DAG1: variants seen among roughly 807,000 people sequenced by gnomAD.
DAG1 encodes dystroglycan 1.
A neutral mutation model predicts 46.1 loss-of-function variants in DAG1; 8 were observed. The observed-to-expected ratio is 0.17, with a 90% CI of 0.10 to 0.31. DAG1 has a LOEUF of 0.31. Ranked by LOEUF, DAG1 falls within the 10% of genes least tolerant of loss-of-function variation. The pLI is 1.00. For synonymous variants in DAG1, 495 were observed against 481.8 expected (o/e 1.03, Z -0.36); for missense variants, 1,003 against 1,189.9 (o/e 0.84, Z 2.31).
intron 2 of DAG1, among the ~76,000 whole-genome samples, chr3:49,526,310 G>A (rs984770636): frequency 6.6e-6 from 1 of 152,168 alleles, no homozygotes; most frequent in African/African-American, 2.4e-5. Flanking sequence ...ATGAGATTTG[G>A]GCAGTGACAC....
chr3:49,501,749 G>C (rs1177167238), intron 1 of DAG1, among the ~76,000 whole-genome samples: 1 of 151,632 alleles, frequency 6.6e-6, no homozygotes, highest in East Asian at 1.9e-4. Context: ...GGGAGGCAGA[G>C]GTTGCAGTGA....
At chr3:49,472,527 G>A (rs184865084) in intron 1 of DAG1, among the ~76,000 whole-genome samples, 9 of 152,212 alleles carry the variant, frequency 5.9e-5, no homozygotes, top group South Asian at 2.1e-4. Context: ...AAACTTTATC[G>A]CCGGGCATGG....
chr3:49,502,858 C>T (rs62261207), intron 1 of DAG1, among the ~76,000 whole-genome samples: 3 of 151,948 alleles, frequency 2.0e-5, no homozygotes, highest in African/African-American at 4.8e-5. Context: ...AGGCTGGTCT[C>T]GAACTTCTGA....
At chr3:49,516,255 A>G (rs2050893316) in intron 2 of DAG1, among the ~76,000 whole-genome samples, 1 of 152,204 alleles carries the variant, frequency 6.6e-6, no homozygotes, top group Non-Finnish European at 1.5e-5. Flanking sequence ...CTTCCATCAC[A>G]TAGTAGGCCC....
chr3:49,490,313 A>T (rs573614000), intron 1 of DAG1, among the ~76,000 whole-genome samples: 87 of 151,632 alleles, frequency 5.7e-4, no homozygotes, highest in African/African-American at 2.0e-3. Flanking sequence ...AGATCGCGCC[A>T]CTGCCCTCTA....
intron 2 of DAG1, among the ~76,000 whole-genome samples, chr3:49,526,153 C>CA (rs1279369905): frequency 6.6e-6 from 1 of 152,174 alleles, no homozygotes; most frequent in African/African-American, 2.4e-5. Flanking sequence ...TCCCGGCCTA[C>CA]ACACTTTTAA....
In DAG1 at chr3:49,478,589, G is replaced by A. The variant is rs187686085; in HGVS notation, c.-117+8156G>A. Reference sequence around the variant, plus strand: ...GAGAGGGTTTTGCCATGTTGCCCACGCTGGCCTTGAACTGCTGAGCTTAAG... The same window carrying A: ...GAGAGGGTTTTGCCATGTTGCCCACACTGGCCTTGAACTGCTGAGCTTAAG... On this transcript the variant is annotated intron_variant, in intron 1 of 2. Coordinates refer to ENST00000308775, the MANE Select transcript of DAG1 (RefSeq NM_004393.6). Among the ~76,000 whole-genome samples the A allele has an allele frequency of 2.7e-3, 347 of 128,382 alleles. 3 individuals are homozygous for A. The highest frequency in any genetic ancestry group is 9.7e-3 in the African/African-American group (322 of 33,262). The allele number at this position is 128,382 out of a possible 152,430, so 84.2% of individuals were successfully genotyped here.
intron 1 of DAG1, among the ~76,000 whole-genome samples, chr3:49,474,830 C>T (rs367776228): frequency 7.8e-4 from 107 of 137,246 alleles, no homozygotes; most frequent in African/African-American, 2.6e-3. Flanking sequence ...TTTTTTGAGA[C>T]GGAGTCTCGC....
intron 1 of DAG1, among the ~76,000 whole-genome samples, chr3:49,484,120 C>T (rs2049954489): frequency 6.6e-6 from 1 of 152,168 alleles, no homozygotes; most frequent in South Asian, 2.1e-4. Context: ...CTGTCTGACT[C>T]TCTTCTGCTT....
At chr3:49,510,395 A>T in intron 1 of DAG1, 24 bp from the exon 2 acceptor site, 1 of 862,210 alleles carries the variant, frequency 1.2e-6, no homozygotes, top group South Asian at 1.4e-5. Context: ...CTCAAGTCTA[A>T]ACCTGCTTTT....
chr3:49,506,335 T>C (rs762407464), intron 1 of DAG1, among the ~76,000 whole-genome samples: 20 of 152,248 alleles, frequency 1.3e-4, no homozygotes, highest in Admixed American at 1.2e-3. Context: ...TTATGTTGTA[T>C]ATGAATGGTG....
At chr3:49,473,992 A>G (rs568224645) in intron 1 of DAG1, among the ~76,000 whole-genome samples, 2 of 151,144 alleles carry the variant, frequency 1.3e-5, no homozygotes, top group East Asian at 2.0e-4. Context: ...GGCTCAAGCA[A>G]TCCTCCCACC....
chr3:49,530,983 C>G lies in DAG1; in HGVS notation c.472C>G (p.Pro158Ala). The G allele has an allele frequency of 1.9e-6, 3 of 1,614,092 alleles. No individual in the cohort carries two copies. The highest frequency in any genetic ancestry group is 1.7e-6 in the Non-Finnish European group (2 of 1,180,008). ...TSSVFSIEVY[P>A]EDHSELQSVR... ...CAGTGTGTTCTCCATCGAGGTCTAC[C>G]CTGAAGACCACAGTGAGCTGCAGTC... is the stretch of plus-strand genomic sequence containing the variant. Residue 158 changes from proline (P) to alanine (A), a missense_variant, in exon 3 of 3, where the codon CCT (proline) becomes GCT (alanine). Pro to Ala is a conservative substitution (Grantham distance 27). Transcript: ENST00000308775.
intron 1 of DAG1, among the ~76,000 whole-genome samples, chr3:49,485,153 A>AT (rs1409300221): frequency 6.6e-6 from 1 of 151,520 alleles, no homozygotes; most frequent in African/African-American, 2.4e-5. Flanking sequence ...CGCCTGGCTA[A>AT]TTTTTTTGTA....
intron 2 of DAG1, among the ~76,000 whole-genome samples, chr3:49,513,721 C>T (rs1016750870): frequency 6.6e-6 from 1 of 152,196 alleles, no homozygotes; most frequent in African/African-American, 2.4e-5. Flanking sequence ...TCACATGTAG[C>T]AGTTCACAGA....
chr3:49,514,760 T>A (rs1041589840), intron 2 of DAG1, among the ~76,000 whole-genome samples: 1 of 152,036 alleles, frequency 6.6e-6, no homozygotes, highest in Non-Finnish European at 1.5e-5. Flanking sequence ...TGCCTCAGCC[T>A]CCTGAGTAGC....
intron 2 of DAG1, among the ~76,000 whole-genome samples, chr3:49,518,822 C>A (rs1214034167): frequency 1.3e-5 from 2 of 152,250 alleles, no homozygotes; most frequent in Non-Finnish European, 2.9e-5. Flanking sequence ...TCATGGCCAG[C>A]ATAGCTTTTT....
intron 1 of DAG1, among the ~76,000 whole-genome samples, chr3:49,505,977 T>C (rs138858500): frequency 0.021 from 3,098 of 148,612 alleles, 56 homozygotes; most frequent in Middle Eastern, 0.055. Flanking sequence ...GCCTATTTTT[T>C]TTTCTTTTTT....
chr3:49,527,521 CAA>C (rs539525966), intron 2 of DAG1, among the ~76,000 whole-genome samples: 1 of 106,844 alleles, frequency 9.4e-6, no homozygotes. Flanking sequence ...GACTCTGTCT[CAA>C]AAAAAAAAAA....
Sources: allele counts gnomAD v4.1 joint callset (sites outside exome capture counted in the v4.1 genomes callset), GRCh38; gene constraint gnomAD v4.1.1; transcripts MANE v1.5; gene names NCBI Gene and HGNC (gene_info 2026-07-23, HGNC 2026-07-21).